The following DDAH1 variants were observed in gnomAD, a reference collection of about 807,000 sequenced individuals.
The protein encoded by DDAH1 is dimethylarginine dimethylaminohydrolase 1, also known as N(G),N(G)-dimethylarginine dimethylaminohydrolase 1.
DDAH1 carries 19 observed loss-of-function variants against 28.8 expected under a neutral mutation model. The observed-to-expected ratio is 0.66, with a 90% CI of 0.46 to 0.97. The LOEUF (loss-of-function observed/expected upper bound fraction) is 0.97. DDAH1 is among the 50% of genes least tolerant of loss of function. The probability of loss-of-function intolerance (pLI) is 0.00; values close to 1 mark genes in which losing one functional copy is unlikely to be tolerated. For missense variants in DDAH1, 326 were observed against 375.9 expected, an observed-to-expected ratio of 0.87 and a Z score of 1.10; for synonymous variants, 153 against 154.4, an observed-to-expected ratio of 0.99 and a Z score of 0.07.
chr1:85,429,500 G>C lies in DDAH1; in HGVS notation c.303+35243C>G, dbSNP rs554810732. 3.9e-5 allele frequency among the ~76,000 whole-genome samples: 6 copies of C among 152,286 alleles called. No homozygotes were observed. The South Asian group carries it at 1.2e-3, about 32-fold the overall frequency. On this transcript the variant is annotated intron_variant, in intron 1 of 5. Transcript: ENST00000284031. Reference sequence around the variant, plus strand: ...TATGTGTGCATGTGTCTTTATAGTAGAATGATTTATAATCCTTTGGGTATA... The same window carrying C: ...TATGTGTGCATGTGTCTTTATAGTACAATGATTTATAATCCTTTGGGTATA...
intron 4 of DDAH1, among the ~76,000 whole-genome samples, chr1:85,337,540 G>A (rs1038021427): frequency 1.3e-5 from 2 of 150,652 alleles, no homozygotes; most frequent in South Asian, 4.2e-4. Flanking sequence ...TGCAACTTCT[G>A]CCTCCTGGGT....
chr1:85,339,667 TC>T (rs939857470), intron 4 of DDAH1, among the ~76,000 whole-genome samples: 4 of 152,176 alleles, frequency 2.6e-5, no homozygotes, highest in African/African-American at 4.8e-5. Context: ...GGGGAAGTTT[TC>T]CCCGGAGGCT....
At chr1:85,425,829 A>T (rs991887035) in intron 1 of DDAH1, among the ~76,000 whole-genome samples, 2 of 152,166 alleles carry the variant, frequency 1.3e-5, no homozygotes, top group African/African-American at 4.8e-5. Flanking sequence ...TAGCTGAGTG[A>T]CTTTGGTTAA....
intron 1 of DDAH1, among the ~76,000 whole-genome samples, chr1:85,501,637 A>T (rs1461958349): frequency 6.6e-6 from 1 of 152,130 alleles, no homozygotes; most frequent in Non-Finnish European, 1.5e-5. Flanking sequence ...AACCATTATC[A>T]ACTTGGGCTC....
At chr1:85,422,484 G>A (rs1458095717) in intron 1 of DDAH1, among the ~76,000 whole-genome samples, 1 of 152,028 alleles carries the variant, frequency 6.6e-6, no homozygotes, top group Admixed American at 6.6e-5. Flanking sequence ...CCAAACCCAA[G>A]GCCACCTATA....
chr1:85,485,420 G>A (rs1320913763), intron 2 of DDAH1, among the ~76,000 whole-genome samples: 2 of 151,962 alleles, frequency 1.3e-5, no homozygotes, highest in South Asian at 4.2e-4. Flanking sequence ...TCCTGGAGGA[G>A]GACAAATCCA....
At chr1:85,434,628 G>A (rs1224482432) in intron 1 of DDAH1, among the ~76,000 whole-genome samples, 1 of 152,076 alleles carries the variant, frequency 6.6e-6, no homozygotes, top group Non-Finnish European at 1.5e-5. Flanking sequence ...CTGACCTCAA[G>A]TAATCCTCCT....
rs1263137725 is a variant in DDAH1, at chr1:85,564,972, G to A, written c.-123+13012C>T. Among the ~76,000 whole-genome samples, 4 of 151,692 alleles carry A rather than the reference G, an allele frequency of 2.6e-5. No homozygotes were observed. The South Asian group carries it at 6.2e-4, about 24-fold the overall frequency. On this transcript the variant is annotated intron_variant, in intron 1 of 6. Coordinates refer to the DDAH1 transcript ENST00000426972. The stretch of plus-strand genomic sequence containing the variant: ...AGCACTTTGGGAGGCCAAGGCAGGC[G>A]GATCACGAGGTCAGTAGTTTGAGAC...
chr1:85,364,824 A>G (rs1195965024), intron 1 of DDAH1, among the ~76,000 whole-genome samples: 2 of 152,316 alleles, frequency 1.3e-5, no homozygotes, highest in Non-Finnish European at 2.9e-5. Context: ...GATTACAGGC[A>G]TGAGCCACCA....
intron 2 of DDAH1, among the ~76,000 whole-genome samples, chr1:85,476,019 T>C (rs1655791240): frequency 6.6e-6 from 1 of 152,026 alleles, no homozygotes; most frequent in Non-Finnish European, 1.5e-5. Context: ...ACCCGGGTAA[T>C]TTTTGGTTTT....
chr1:85,514,380 G>T (rs1657368809), intron 1 of DDAH1, among the ~76,000 whole-genome samples: 4 of 152,116 alleles, frequency 2.6e-5, no homozygotes, highest in Admixed American at 2.6e-4. Context: ...ACCGGGGCCT[G>T]TCAGGGGCTT....
chr1:85,550,939 A>G (rs1307337678), intron 1 of DDAH1, among the ~76,000 whole-genome samples: 1 of 152,224 alleles, frequency 6.6e-6, no homozygotes, highest in Non-Finnish European at 1.5e-5. Flanking sequence ...CATCTTCTCT[A>G]CCCAAGCTCT....
chr1:85,418,012 A>C (rs541755226), intron 1 of DDAH1, among the ~76,000 whole-genome samples: 56 of 152,360 alleles, frequency 3.7e-4, no homozygotes, highest in Non-Finnish European at 6.5e-4. Flanking sequence ...GTGGCAGAAG[A>C]TAAGCTTTCA....
chr1:85,329,131 A>G (rs944276377), intron 4 of DDAH1, among the ~76,000 whole-genome samples: 2 of 152,224 alleles, frequency 1.3e-5, no homozygotes, highest in African/African-American at 4.8e-5. Context: ...GGTGACTACA[A>G]AGCAAAAGCA....
intron 1 of DDAH1, among the ~76,000 whole-genome samples, chr1:85,424,341 A>G (rs1653293434): frequency 6.6e-6 from 1 of 152,072 alleles, no homozygotes. Flanking sequence ...TGAGCCTGGT[A>G]TTCTTCTCTT....
intron 1 of DDAH1, among the ~76,000 whole-genome samples, chr1:85,381,374 G>A (rs1650980647): frequency 6.7e-6 from 1 of 150,262 alleles, no homozygotes; most frequent in South Asian, 2.1e-4. Flanking sequence ...AGTTTTGGGG[G>A]AGCAGGTGAT....
At chr1:85,459,952 G>A (rs888356565) in intron 1 of DDAH1, among the ~76,000 whole-genome samples, 2 of 152,130 alleles carry the variant, frequency 1.3e-5, no homozygotes, top group Admixed American at 6.5e-5. Context: ...GTTATGTTAG[G>A]ATTAACCGCA....
chr1:85,430,970 G>A (rs1301244275), intron 1 of DDAH1, among the ~76,000 whole-genome samples: 4 of 152,168 alleles, frequency 2.6e-5, no homozygotes, highest in Admixed American at 2.0e-4. Flanking sequence ...GTCCTCTGCC[G>A]ATTTTCAAAG....
intron 4 of DDAH1, among the ~76,000 whole-genome samples, chr1:85,327,056 T>TA (rs1392021925): frequency 1.3e-5 from 2 of 152,368 alleles, no homozygotes; most frequent in African/African-American, 4.8e-5. Context: ...GATTTTCTTT[T>TA]TGGCTGCTTC....
Sources: allele counts gnomAD v4.1 joint callset (sites outside exome capture counted in the v4.1 genomes callset), GRCh38; gene constraint gnomAD v4.1.1; transcripts MANE v1.5; gene names NCBI Gene and HGNC (gene_info 2026-07-23, HGNC 2026-07-21).